Variants in ABHD17C observed in about 807,000 individuals in gnomAD.
The protein encoded by ABHD17C is abhydrolase domain containing 17C, depalmitoylase.
A neutral mutation model predicts 27.9 loss-of-function variants in ABHD17C; 11 were observed. The ratio of observed to expected loss-of-function variants is 0.39; its 90% CI spans 0.25 to 0.65. ABHD17C has a LOEUF of 0.65. Ranked by LOEUF, ABHD17C falls within the 30% of genes least tolerant of loss-of-function variation. The pLI is 0.45. For missense variants in ABHD17C, 280 were observed against 470.2 expected, an observed-to-expected ratio of 0.60 and a Z score of 3.74; for synonymous variants, 233 against 209.1, an observed-to-expected ratio of 1.11 and a Z score of -0.98.
At chr15:80,743,966 C>G (rs1441553999) in intron 1 of ABHD17C, among the ~76,000 whole-genome samples, 1 of 152,128 alleles carries the variant, frequency 6.6e-6, no homozygotes, top group Non-Finnish European at 1.5e-5. Flanking sequence ...CTGTTTTATT[C>G]TAAAATAAAG....
intron 1 of ABHD17C, among the ~76,000 whole-genome samples, chr15:80,710,843 C>T (rs1156966740): frequency 6.6e-6 from 1 of 151,992 alleles, no homozygotes; most frequent in Non-Finnish European, 1.5e-5. Context: ...TCCCTAAGTG[C>T]TGGGATTACA....
Position 80,754,265 on chromosome 15 carries a change from G to A in ABHD17C, c.885G>A (p.Val295=). 1 of 1,613,928 alleles carries A rather than the reference G, an allele frequency of 6.2e-7. No homozygotes were observed. Residue 295 remains valine (V), a synonymous_variant, in exon 3 of 3, where the codon GTG becomes GTA. Coordinates refer to ENST00000258884, the MANE Select transcript of ABHD17C (RefSeq NM_021214.2). ...TGTACGAGCGCTGTCCCCGAGCCGT[G>A]GAGCCCCTTTGGGTTGAAGGGGCTG... ...LAMYERCPRA[V]EPLWVEGAGH...
intron 1 of ABHD17C, among the ~76,000 whole-genome samples, chr15:80,698,061 CTTTTT>C (rs34987348): frequency 2.1e-5 from 2 of 97,034 alleles, no homozygotes; most frequent in East Asian, 2.6e-4. Context: ...TTTTATTTCA[CTTTTT>C]TTTTTTTTTT....
intron 1 of ABHD17C, among the ~76,000 whole-genome samples, chr15:80,728,090 T>C (rs962913731): frequency 6.6e-6 from 1 of 152,186 alleles, no homozygotes; most frequent in Admixed American, 6.5e-5. Flanking sequence ...AGTTTCCTGG[T>C]CTGCGTAATG....
chr15:80,754,111 A>G, intron 2 of ABHD17C, 40 bp from the exon 3 acceptor site: 1 of 1,472,500 alleles, frequency 6.8e-7, no homozygotes, highest in Non-Finnish European at 9.5e-7. Context: ...AGCATAACTA[A>G]TGGAGTCCTC....
chr15:80,695,971 A>G lies in ABHD17C; in HGVS notation c.542A>G (p.Lys181Arg). The G allele has an allele frequency of 6.3e-7, 1 of 1,592,106 alleles. No homozygotes were observed. The highest frequency in any genetic ancestry group is 8.5e-7 in the Non-Finnish European group (1 of 1,176,930). ...GTCAGCTCGGGCAAGCCCTCCGAGA[A>G]GAACCTCTACGCCGACATCGACGCC... The part of the protein sequence containing the change: ...YGVSSGKPSE[K>R]NLYADIDAAW... Residue 181 changes from lysine to arginine, a missense_variant, in exon 1 of 3, where the codon AAG becomes AGG. By Grantham distance (26) the Lys-to-Arg change is conservative. Around this residue, in one of 2 missense-constraint regions of ABHD17C, gnomAD observed 206 missense variants for 394.7 expected, o/e 0.52. Coordinates refer to ENST00000258884, the MANE Select transcript of ABHD17C (RefSeq NM_021214.2). The surrounding 1 kb of genome is among the most constrained non-coding windows in gnomAD (Gnocchi z 4.3).
chr15:80,717,288 A>G (rs1404313427), intron 1 of ABHD17C, among the ~76,000 whole-genome samples: 2 of 147,544 alleles, frequency 1.4e-5, no homozygotes, highest in Non-Finnish European at 3.0e-5. Context: ...TGGCATAGCT[A>G]ATACTTTTCA....
intron 1 of ABHD17C, chr15:80,705,005 A>G (rs1246605493): frequency 6.6e-6 from 1 of 152,340 alleles, no homozygotes; most frequent in African/African-American, 2.4e-5. Context: ...CCGTTGGGCT[A>G]TGGGACTGCT....
At chr15:80,709,819 C>T (rs1894706118) in intron 1 of ABHD17C, among the ~76,000 whole-genome samples, 2 of 152,162 alleles carry the variant, frequency 1.3e-5, no homozygotes, top group Non-Finnish European at 2.9e-5. Flanking sequence ...TTCTGAAATA[C>T]TCCTTTCTGA....
rs528206661 is a variant in ABHD17C at position 80,747,993 on chromosome 15, C to T, written c.591-1520C>T. On this transcript the variant is annotated intron_variant, in intron 1 of 2. Transcript: ENST00000258884. ...CTATCCTAGCACATCCCCTGCCGGC[C>T]GGCCCAGTGCTTTCCTGCTGCTGCA... Among the ~76,000 whole-genome samples, 10 of 152,274 alleles carry T rather than the reference C, an allele frequency of 6.6e-5. No individual in the cohort carries two copies. In the South Asian group the frequency reaches 2.1e-3, roughly 32 times the overall value.
intron 1 of ABHD17C, among the ~76,000 whole-genome samples, chr15:80,709,190 T>A (rs1376030196): frequency 4.0e-5 from 6 of 151,146 alleles, no homozygotes; most frequent in African/African-American, 9.7e-5. Flanking sequence ...TATAGTTTTT[T>A]AAAAAAAAGC....
intron 1 of ABHD17C, among the ~76,000 whole-genome samples, chr15:80,732,576 T>G (rs1331757086): frequency 1.3e-5 from 2 of 151,092 alleles, no homozygotes; most frequent in East Asian, 3.9e-4. Context: ...AAGGACGGGG[T>G]GGGGGGATAG....
chr15:80,746,037 C>G (rs1415616364), intron 1 of ABHD17C, among the ~76,000 whole-genome samples: 1 of 152,196 alleles, frequency 6.6e-6, no homozygotes, highest in Non-Finnish European at 1.5e-5. Context: ...TAAACTGATT[C>G]TATCAACATA....
chr15:80,699,084 C>A (rs1265853843), intron 1 of ABHD17C, among the ~76,000 whole-genome samples: 2 of 152,212 alleles, frequency 1.3e-5, no homozygotes, highest in Non-Finnish European at 2.9e-5. Flanking sequence ...CTGACTGGAT[C>A]TTAATTGGAT....
chr15:80,696,240 C>T (rs1420046674), intron 1 of ABHD17C, among the ~76,000 whole-genome samples: 1 of 152,238 alleles, frequency 6.6e-6, no homozygotes, highest in Non-Finnish European at 1.5e-5. Context: ...TCCTGGAGAG[C>T]TCGGACTCAG....
chr15:80,715,944 A>G (rs1894798704), intron 1 of ABHD17C, among the ~76,000 whole-genome samples: 1 of 152,208 alleles, frequency 6.6e-6, no homozygotes, highest in Non-Finnish European at 1.5e-5. Context: ...GAGCAATTGA[A>G]TTTTAATTCT....
At chr15:80,705,971 G>A (rs1398398804) in intron 1 of ABHD17C, among the ~76,000 whole-genome samples, 1 of 152,170 alleles carries the variant, frequency 6.6e-6, no homozygotes, top group Non-Finnish European at 1.5e-5. Flanking sequence ...TGCACTTTTT[G>A]GAGCTGGGCA....
intron 1 of ABHD17C, among the ~76,000 whole-genome samples, chr15:80,723,134 ATATATGTG>A (rs1330553381): frequency 2.4e-5 from 1 of 41,246 alleles, no homozygotes; most frequent in Non-Finnish European, 4.5e-5. Flanking sequence ...GTGTGTGTGT[ATATATGTG>A]TGTGTGTGTG....
intron 1 of ABHD17C, among the ~76,000 whole-genome samples, chr15:80,717,718 T>C (rs1018352682): frequency 1.5e-4 from 23 of 152,246 alleles, no homozygotes; most frequent in African/African-American, 5.5e-4. Context: ...TTTTAAAATC[T>C]TTATTTGGCA....
Sources: allele counts gnomAD v4.1 joint callset (sites outside exome capture counted in the v4.1 genomes callset), GRCh38; gene constraint gnomAD v4.1.1; regional missense constraint gnomAD v4.1.1; non-coding constraint Gnocchi (gnomAD v3.1); transcripts MANE v1.5; gene names NCBI Gene and HGNC (gene_info 2026-07-23, HGNC 2026-07-21).